Variants in FBXO11 observed in about 807,000 individuals in gnomAD.
FBXO11 encodes F-box only protein 11.
Under a neutral mutation model 117.0 loss-of-function variants are expected in FBXO11, and 13 were observed. The ratio of observed to expected loss-of-function variants is 0.11; its 90% CI spans 0.07 to 0.18. The LOEUF is 0.18. Ranked by LOEUF, FBXO11 falls within the 10% of genes least tolerant of loss-of-function variation. FBXO11 has a pLI of 1.00. For synonymous variants in FBXO11, 490 were observed against 380.5 expected (o/e 1.29, Z -3.35); for missense variants, 767 against 1,164.4 (o/e 0.66, Z 4.97).
chr2:47,839,821 C>A (rs1474166324), intron 1 of FBXO11, 52 bp from the exon 2 acceptor site: 2 of 1,532,988 alleles, frequency 1.3e-6, no homozygotes, highest in African/African-American at 2.8e-5. Flanking sequence ...AAAAAAAGTT[C>A]TATGGATACA....
chr2:47,828,916 A>AT (rs991882810), intron 11 of FBXO11, among the ~76,000 whole-genome samples: 11 of 152,038 alleles, frequency 7.2e-5, no homozygotes, highest in Non-Finnish European at 1.6e-4. Context: ...TATGCCATGA[A>AT]TTTTTTTATT....
Position 47,818,666 on chromosome 2 carries a change from T to C in FBXO11, c.2006+113A>G. On this transcript the variant is annotated intron_variant, in intron 16 of 22. Coordinates refer to ENST00000403359, the MANE Select transcript of FBXO11 (RefSeq NM_001190274.2). ...CAAGATTATTTTAAGAATGTGAATA[T>C]ATATACAATAGGGGGATAAAGATTG... 5.8e-6 allele frequency: 4 copies of C among 690,458 alleles called. No individual in the cohort carries two copies. The South Asian group carries it at 6.6e-5, about 11-fold the overall frequency. The allele number at this position is 690,458 out of a possible 1,614,324, so 42.8% of individuals were successfully genotyped here. A position where few individuals can be genotyped will look rare whatever the true frequency, so the allele number is the denominator to read the frequency against.
At chr2:47,898,297 G>T (rs1271431427) in intron 1 of FBXO11, among the ~76,000 whole-genome samples, 1 of 152,088 alleles carries the variant, frequency 6.6e-6, no homozygotes, top group Non-Finnish European at 1.5e-5. Flanking sequence ...TATTTTCTAA[G>T]GATTAAGTTT....
At chr2:47,903,725 T>C (rs575616956) in intron 1 of FBXO11, among the ~76,000 whole-genome samples, 2 of 152,330 alleles carry the variant, frequency 1.3e-5, no homozygotes, top group East Asian at 1.9e-4. Context: ...ACTGTAGCAA[T>C]AGAATCCTTA....
intron 1 of FBXO11, among the ~76,000 whole-genome samples, chr2:47,884,877 A>T (rs948310830): frequency 1.3e-3 from 202 of 152,308 alleles, no homozygotes; most frequent in African/African-American, 4.8e-3. Context: ...GTTTACTGTA[A>T]AACAGGTTCT....
At chr2:47,831,445 A>G (rs1019605583) in intron 11 of FBXO11, among the ~76,000 whole-genome samples, 28 of 151,400 alleles carry the variant, frequency 1.8e-4, no homozygotes, top group East Asian at 1.7e-3. Flanking sequence ...AAAAAAAAAA[A>G]AAAGAAAAAT....
In FBXO11 at chr2:47,809,685, T is replaced by G; in HGVS notation, c.2361A>C (p.Ala787=). The change falls in exon 20 of 23, where the codon GCA becomes GCC. Residue 787 remains alanine (A), a synonymous_variant. Coordinates refer to ENST00000403359, the MANE Select transcript of FBXO11 (RefSeq NM_001190274.2). Reference sequence around the variant, plus strand: ...TCTGATTGCCTTCTAGTGTTGCAGTTGCGTGATTTGTAATTTCAATACCTG... The same window carrying G: ...TCTGATTGCCTTCTAGTGTTGCAGTGGCGTGATTTGTAATTTCAATACCTG... ...FAAGIEITNH[A]TATLEGNQIF... 2 of 1,613,306 alleles carry G rather than the reference T, an allele frequency of 1.2e-6. No individual in the cohort carries two copies. The highest frequency in any genetic ancestry group is 1.7e-6 in the Non-Finnish European group (2 of 1,179,654).
In FBXO11 at chr2:47,838,855, T is replaced by C; in HGVS notation, c.587+4A>G. The C allele has an allele frequency of 6.2e-7, 1 of 1,612,084 alleles. No individual in the cohort carries two copies. The highest frequency in any genetic ancestry group is 8.5e-7 in the Non-Finnish European group (1 of 1,178,808). ...AAGTTAATAAGGAATAGGTTTTTACTTACCACAAAATTGGATCATTAGCAA... is the reference window on the plus strand; with the variant it reads ...AAGTTAATAAGGAATAGGTTTTTACCTACCACAAAATTGGATCATTAGCAA... On this transcript the variant is annotated splice_donor_region_variant and intron_variant, in intron 4 of 22. Transcript: ENST00000403359.
chr2:47,860,404 C>T (rs1463856496), intron 1 of FBXO11, among the ~76,000 whole-genome samples: 1 of 151,098 alleles, frequency 6.6e-6, no homozygotes, highest in East Asian at 1.9e-4. Flanking sequence ...AATTATTTTA[C>T]CCTGGATTTT....
chr2:47,905,575 G>GCT lies in FBXO11; in HGVS notation c.145_146insAG (p.Pro49GlnfsTer118), dbSNP rs2104138950. 2 of 1,217,818 alleles carry GCT rather than the reference G, an allele frequency of 1.6e-6. No individual in the cohort carries two copies. Among genetic ancestry groups the GCT allele is most frequent in the Non-Finnish European group, 1.0e-6 (1 of 971,518 alleles). The allele number at this position is 1,217,818 out of a possible 1,614,324, so 75.4% of individuals were successfully genotyped here. A position where few individuals can be genotyped will look rare whatever the true frequency, so the allele number is the denominator to read the frequency against. On this transcript the variant is annotated frameshift_variant, in exon 1 of 23. Coordinates refer to ENST00000403359, the MANE Select transcript of FBXO11 (RefSeq NM_001190274.2). LOFTEE classifies it high-confidence loss of function. ...AGGCTGCTGCTGCTGCTGCTGCTGC[G>GCT]GCGGCGGCGGAGGCTGCTGCTGGGG... is the stretch of plus-strand genomic sequence containing the variant.
chr2:47,827,989 G>A (rs1671889455), intron 11 of FBXO11, among the ~76,000 whole-genome samples: 1 of 152,024 alleles, frequency 6.6e-6, no homozygotes, highest in Admixed American at 6.6e-5. Flanking sequence ...ACCAAGCCCG[G>A]CTGAAAAAAA....
chr2:47,858,934 G>C (rs1366791643), intron 1 of FBXO11, among the ~76,000 whole-genome samples: 2 of 151,018 alleles, frequency 1.3e-5, no homozygotes, highest in Non-Finnish European at 2.9e-5. Context: ...AGCTACTCAG[G>C]AGGCTGAGGC....
chr2:47,873,302 G>A (rs553031353), intron 1 of FBXO11, among the ~76,000 whole-genome samples: 2 of 152,292 alleles, frequency 1.3e-5, no homozygotes, highest in African/African-American at 4.8e-5. Flanking sequence ...CCCACAATAA[G>A]CCTCAGCTTT....
chr2:47,889,072 A>G (rs867390796), intron 1 of FBXO11, among the ~76,000 whole-genome samples: 124 of 152,334 alleles, frequency 8.1e-4, no homozygotes, highest in African/African-American at 2.7e-3. Flanking sequence ...GCAAATGGCT[A>G]GCAGTACTTT....
chr2:47,826,300 A>T (rs1344726112), intron 11 of FBXO11, among the ~76,000 whole-genome samples: 1 of 149,616 alleles, frequency 6.7e-6, no homozygotes, highest in East Asian at 2.0e-4. Flanking sequence ...CTCGTGATCC[A>T]CCCGCCTCGG....
At chr2:47,850,263 G>A (rs913361033) in intron 1 of FBXO11, among the ~76,000 whole-genome samples, 1 of 152,136 alleles carries the variant, frequency 6.6e-6, no homozygotes, top group African/African-American at 2.4e-5. Context: ...GAGATTGAAG[G>A]TGGGGAAAAA....
Position 47,839,444 on chromosome 2 carries a change from C to T in FBXO11, c.417G>A (p.Val139=), listed in dbSNP as rs370384443. ...NFGHRAKRAR[V]SGKSQDLSAA... is the part of the protein sequence containing the mutation. ...CTGATAGATCTTGTGATTTTCCAGA[C>T]ACTCTTGCACGTTTTGCACGATGAC... is the stretch of plus-strand genomic sequence containing the variant. The change falls in exon 3 of 23, where the codon GTG becomes GTA. Residue 139 remains valine (V), a synonymous_variant. Transcript: ENST00000403359. 23 of 1,613,292 alleles carry T rather than the reference C, an allele frequency of 1.4e-5. No individual in the cohort carries two copies. The African/African-American group carries it at 2.9e-4, about 21-fold the overall frequency.
chr2:47,871,780 T>A (rs1481723982), intron 1 of FBXO11, among the ~76,000 whole-genome samples: 9 of 152,324 alleles, frequency 5.9e-5, no homozygotes, highest in South Asian at 4.1e-4. Flanking sequence ...TGATGTCCCT[T>A]CAATGCACAG....
intron 1 of FBXO11, among the ~76,000 whole-genome samples, chr2:47,857,375 C>G (rs1272929361): frequency 6.6e-6 from 1 of 152,064 alleles, no homozygotes; most frequent in Non-Finnish European, 1.5e-5. Context: ...CCTGCCTCAG[C>G]CTCCCAAAGT....
Sources: allele counts gnomAD v4.1 joint callset (sites outside exome capture counted in the v4.1 genomes callset), GRCh38; gene constraint gnomAD v4.1.1; transcripts MANE v1.5; gene names NCBI Gene and HGNC (gene_info 2026-07-23, HGNC 2026-07-21).